Variants in RYR2 observed in about 807,000 individuals in gnomAD.
RYR2 encodes the protein ryanodine receptor 2, also known as cardiac muscle ryanodine receptor-calcium release channel.
In RYR2, 227 loss-of-function variants were observed where a neutral mutation model predicts 601.1. That is an observed-to-expected ratio of 0.38 (90% confidence interval 0.34 to 0.42). The LOEUF is 0.42. Ranked by LOEUF, RYR2 falls within the 10% of genes least tolerant of loss-of-function variation. RYR2 has a pLI of 1.00. For synonymous variants in RYR2, 2,223 were observed against 2,175.1 expected (o/e 1.02, Z -0.61); for missense variants, 4,646 against 6,156.5 (o/e 0.75, Z 8.21).
intron 2 of RYR2, among the ~76,000 whole-genome samples, chr1:237,322,784 T>C (rs140908353): frequency 7.2e-5 from 11 of 151,844 alleles, no homozygotes; most frequent in African/African-American, 2.4e-4. Context: ...TAGGCTAACA[T>C]GTAGGATATT....
At chr1:237,416,445 G>A (rs1704992415) in intron 10 of RYR2, among the ~76,000 whole-genome samples, 1 of 152,060 alleles carries the variant, frequency 6.6e-6, no homozygotes, top group Admixed American at 6.6e-5. Flanking sequence ...ATTATTTTGA[G>A]GGTTTTGGAA....
intron 1 of RYR2, among the ~76,000 whole-genome samples, chr1:237,145,338 CATTTTTGTTACT>C (rs1258547852): frequency 6.6e-6 from 1 of 152,178 alleles, no homozygotes; most frequent in Non-Finnish European, 1.5e-5. Context: ...TGTGCACGCT[CATTTTTGTTACT>C]ATCTAAATAT....
chr1:237,787,102 T>C (rs1316967967), intron 91 of RYR2, among the ~76,000 whole-genome samples: 6 of 152,112 alleles, frequency 3.9e-5, no homozygotes, highest in Non-Finnish European at 7.3e-5. Context: ...ACCTAAAGGA[T>C]ATCAAATGTC....
At chr1:237,292,734 T>C (rs893616180) in intron 2 of RYR2, among the ~76,000 whole-genome samples, 4 of 152,162 alleles carry the variant, frequency 2.6e-5, no homozygotes, top group Admixed American at 2.6e-4. Context: ...GCAGAAGAAA[T>C]TGCTTTCCTA....
chr1:237,251,028 ATG>A (rs3056167), intron 1 of RYR2, among the ~76,000 whole-genome samples: 3,410 of 139,296 alleles, frequency 0.024, 91 homozygotes, highest in African/African-American at 0.066. Context: ...TCCCCAACAG[ATG>A]TGTGTGTGTG....
rs184335352 is a variant in RYR2 at position 237,089,894 on chromosome 1, C to T, written c.48+47325C>T. Among the ~76,000 whole-genome samples, 348 of 152,168 alleles carry T rather than the reference C, an allele frequency of 2.3e-3. 3 individuals are homozygous for T. The highest frequency in any genetic ancestry group is 3.3e-3 in the Non-Finnish European group (225 of 67,992). On this transcript the variant is annotated intron_variant, in intron 1 of 104. Coordinates refer to ENST00000366574, the MANE Select transcript of RYR2 (RefSeq NM_001035.3). ...GGCTGAATAAGGGCCTGTATTAGTC[C>T]GTTCTCATGCTGCTATGAAGAAATA...
intron 3 of RYR2, among the ~76,000 whole-genome samples, chr1:237,347,483 A>T (rs1249964613): frequency 6.6e-6 from 1 of 152,222 alleles, no homozygotes; most frequent in African/African-American, 2.4e-5. Context: ...AATGAAAAGT[A>T]TATAATGTGG....
intron 80 of RYR2, among the ~76,000 whole-genome samples, chr1:237,752,069 A>T (rs1433671676): frequency 6.6e-6 from 1 of 152,178 alleles, no homozygotes; most frequent in Admixed American, 6.5e-5. Flanking sequence ...TATTCATGCA[A>T]ATTTTCTTGA....
At chr1:237,385,344 G>A (rs1390862394) in intron 8 of RYR2, among the ~76,000 whole-genome samples, 1 of 152,106 alleles carries the variant, frequency 6.6e-6, no homozygotes, top group Non-Finnish European at 1.5e-5. Context: ...TGTGTGTAAT[G>A]TTTGAGGTGA....
intron 80 of RYR2, among the ~76,000 whole-genome samples, chr1:237,746,798 A>G (rs1258611801): frequency 6.6e-6 from 1 of 152,290 alleles, no homozygotes; most frequent in East Asian, 1.9e-4. Context: ...CAGTTACCTG[A>G]AAAAAATAAT....
At chr1:237,460,986 T>C (rs115615113) in intron 16 of RYR2, among the ~76,000 whole-genome samples, 2 of 152,360 alleles carry the variant, frequency 1.3e-5, no homozygotes, top group African/African-American at 4.8e-5. Context: ...ATTCTTATTA[T>C]TGTTGTTTTG....
chr1:237,356,587 G>C (rs1699316395), intron 4 of RYR2, among the ~76,000 whole-genome samples: 1 of 152,030 alleles, frequency 6.6e-6, no homozygotes, highest in Admixed American at 6.6e-5. Flanking sequence ...AGCAGTGAAG[G>C]TGAATGACCA....
In RYR2 at chr1:237,655,719, G is replaced by A. The variant is rs1683178157; in HGVS notation, c.7966-102G>A. The A allele has an allele frequency of 7.6e-6, 8 of 1,055,254 alleles. No individual in the cohort carries two copies. In the South Asian group the frequency reaches 1.3e-4, roughly 17 times the overall value. 65.4% of individuals were successfully genotyped at this position (1,055,254 alleles called of 1,614,324 possible). A position where few individuals can be genotyped will look rare whatever the true frequency, so the allele number is the denominator to read the frequency against. On this transcript the variant is annotated intron_variant, in intron 52 of 104. Coordinates refer to ENST00000366574, the MANE Select transcript of RYR2 (RefSeq NM_001035.3). ...GATCAGAGAGTTCAGTTAGTCCAGG[G>A]TAATTCAGATTTTCTTCTGCAACCT...
intron 1 of RYR2, among the ~76,000 whole-genome samples, chr1:237,250,546 C>T (rs1289805382): frequency 6.6e-6 from 1 of 152,162 alleles, no homozygotes; most frequent in African/African-American, 2.4e-5. Flanking sequence ...TGGCAGTCCT[C>T]CCTTTACTAA....
chr1:237,661,489 G>A (rs1205848347), intron 56 of RYR2, among the ~76,000 whole-genome samples: 1 of 152,028 alleles, frequency 6.6e-6, no homozygotes, highest in Admixed American at 6.6e-5. Flanking sequence ...AGAACTTAAA[G>A]TATAATAAAA....
At chr1:237,575,929 G>T (rs898702734) in intron 29 of RYR2, among the ~76,000 whole-genome samples, 25 of 152,128 alleles carry the variant, frequency 1.6e-4, no homozygotes, top group African/African-American at 5.6e-4. Context: ...CAATTGGAGT[G>T]TTTCACAAGG....
chr1:237,104,536 TAC>T (rs776681490), intron 1 of RYR2, among the ~76,000 whole-genome samples: 39 of 152,344 alleles, frequency 2.6e-4, no homozygotes, highest in Non-Finnish European at 4.7e-4. Flanking sequence ...CTGTGCCTTT[TAC>T]AATTATGTGG....
intron 56 of RYR2, 149 bp downstream of exon 56, chr1:237,661,096 T>A: frequency 1.5e-6 from 1 of 669,764 alleles, no homozygotes; most frequent in Non-Finnish European, 2.1e-6. Flanking sequence ...TATATATATA[T>A]TTTTTTTAGT....
chr1:237,416,825 GT>G (rs930215694), intron 10 of RYR2, among the ~76,000 whole-genome samples: 7 of 151,754 alleles, frequency 4.6e-5, no homozygotes, highest in Admixed American at 4.6e-4. Flanking sequence ...GAGAGAATAT[GT>G]TTAAATCATT....
Sources: gnomAD v4.1 joint callset for allele counts (sites outside exome capture counted in the v4.1 genomes callset) on GRCh38, gnomAD v4.1.1 for gene constraint, MANE v1.5 for transcripts, NCBI Gene and HGNC (gene_info 2026-07-23, HGNC 2026-07-21) for gene names.